The following NOS1AP variants were observed in gnomAD, a reference collection of about 807,000 sequenced individuals.
NOS1AP encodes the protein nitric oxide synthase 1 adaptor protein.
Under a neutral mutation model 56.2 loss-of-function variants are expected in NOS1AP, and 21 were observed. That is an observed-to-expected ratio of 0.37 (90% CI 0.26 to 0.54). The LOEUF is 0.54. Ranked by LOEUF, NOS1AP falls within the 20% of genes least tolerant of loss-of-function variation. The probability of loss-of-function intolerance (pLI) is 0.84; values close to 1 mark genes in which losing one functional copy is unlikely to be tolerated. For missense variants in NOS1AP, 522 were observed against 657.8 expected (o/e 0.79, Z 2.26); for synonymous variants, 270 against 274.6 (o/e 0.98, Z 0.17).
At chr1:162,183,219 C>T (rs1359065226) in intron 2 of NOS1AP, among the ~76,000 whole-genome samples, 2 of 152,172 alleles carry the variant, frequency 1.3e-5, no homozygotes, top group African/African-American at 4.8e-5. Context: ...TTGTTAATGA[C>T]AGTAATATTT....
At chr1:162,165,190 G>T (rs551846538) in intron 2 of NOS1AP, among the ~76,000 whole-genome samples, 1 of 151,986 alleles carries the variant, frequency 6.6e-6, no homozygotes, top group Non-Finnish European at 1.5e-5. Context: ...GCATGGTGCC[G>T]CATGCCTGTA....
chr1:162,167,802 G>T (rs1650572019), intron 2 of NOS1AP, among the ~76,000 whole-genome samples: 1 of 152,230 alleles, frequency 6.6e-6, no homozygotes, highest in Non-Finnish European at 1.5e-5. Flanking sequence ...ATCCAGGAGA[G>T]CTGGGAAGGG....
chr1:162,364,627 T>C (rs151335493), intron 8 of NOS1AP: 1 of 985,332 alleles, frequency 1.0e-6, no homozygotes, highest in African/African-American at 1.7e-5. Context: ...TGCCACAAAT[T>C]GTTCACCTCA....
At chr1:162,170,950 A>AG (rs1650749569) in intron 2 of NOS1AP, among the ~76,000 whole-genome samples, 1 of 151,792 alleles carries the variant, frequency 6.6e-6, no homozygotes, top group Admixed American at 6.6e-5. Context: ...CAAAAAAAAA[A>AG]AAAGAAAAGA....
chr1:162,254,796 A>C (rs12742393), intron 2 of NOS1AP, among the ~76,000 whole-genome samples: 66,562 of 152,092 alleles, frequency 0.44, 16,475 homozygotes, highest in Non-Finnish European at 0.58. Context: ...GCATTTTACC[A>C]GTACAATCTG....
chr1:162,279,453 C>T (rs1487821233), intron 2 of NOS1AP, among the ~76,000 whole-genome samples: 2 of 152,142 alleles, frequency 1.3e-5, no homozygotes, highest in African/African-American at 4.8e-5. Context: ...GGAAATGCAG[C>T]CTCCTCACAG....
At chr1:162,338,734 T>C (rs1657014058) in intron 5 of NOS1AP, 1 of 152,188 alleles carries the variant, frequency 6.6e-6, no homozygotes, top group Non-Finnish European at 1.5e-5. Flanking sequence ...AATAAAATCA[T>C]GATTGACTAT....
chr1:162,178,050 A>C (rs950966828), intron 2 of NOS1AP, among the ~76,000 whole-genome samples: 2 of 152,214 alleles, frequency 1.3e-5, no homozygotes, highest in Non-Finnish European at 2.9e-5. Flanking sequence ...TTTACTGTCT[A>C]TAATTTTGCC....
intron 1 of NOS1AP, among the ~76,000 whole-genome samples, chr1:162,075,391 G>A (rs773179654): frequency 2.9e-4 from 44 of 152,190 alleles, no homozygotes; most frequent in Non-Finnish European, 5.4e-4. Flanking sequence ...GGCTTCATTG[G>A]TTGATGGTTT....
chr1:162,189,049 T>C (rs114466319), intron 2 of NOS1AP, among the ~76,000 whole-genome samples: 5,359 of 152,258 alleles, frequency 0.035, 135 homozygotes, highest in Non-Finnish European at 0.049. Context: ...AGAGTGAGAC[T>C]TCATCTTGAA....
chr1:162,178,308 A>G (rs1033374323), intron 2 of NOS1AP, among the ~76,000 whole-genome samples: 16 of 152,206 alleles, frequency 1.1e-4, no homozygotes, highest in Admixed American at 9.8e-4. Context: ...TGCCAAGAAC[A>G]TCTGTGAGCA....
chr1:162,308,078 T>C (rs1180333110), intron 4 of NOS1AP, among the ~76,000 whole-genome samples: 1 of 152,172 alleles, frequency 6.6e-6, no homozygotes, highest in Non-Finnish European at 1.5e-5. Flanking sequence ...ACTATTAAAC[T>C]ATAATAAAAG....
At chr1:162,264,158 A>T (rs1214430345) in intron 2 of NOS1AP, among the ~76,000 whole-genome samples, 1 of 151,930 alleles carries the variant, frequency 6.6e-6, no homozygotes, top group African/African-American at 2.4e-5. Context: ...TCCAACCTAA[A>T]CGTGTCCATT....
intron 1 of NOS1AP, among the ~76,000 whole-genome samples, chr1:162,092,148 C>T (rs1033162658): frequency 6.6e-6 from 1 of 152,190 alleles, no homozygotes; most frequent in Non-Finnish European, 1.5e-5. Flanking sequence ...TCTCTCAAAC[C>T]CCAGCTTCCC....
chr1:162,131,337 T>A (rs1224836708), intron 1 of NOS1AP, among the ~76,000 whole-genome samples: 1 of 151,658 alleles, frequency 6.6e-6, no homozygotes, highest in Non-Finnish European at 1.5e-5. Context: ...CCCACATACC[T>A]CAACAGCTAA....
At chr1:162,249,672 G>A (rs1285243428) in intron 2 of NOS1AP, among the ~76,000 whole-genome samples, 1 of 152,126 alleles carries the variant, frequency 6.6e-6, no homozygotes, top group Non-Finnish European at 1.5e-5. Context: ...AACCTACTAT[G>A]TGCTGCATAG....
chr1:162,280,489 C>T (rs953590973), intron 2 of NOS1AP, among the ~76,000 whole-genome samples: 6 of 152,200 alleles, frequency 3.9e-5, no homozygotes, highest in Non-Finnish European at 8.8e-5. Flanking sequence ...TTACCATGTG[C>T]ATTTTAAAAA....
chr1:162,149,114 G>A (rs553056454), intron 1 of NOS1AP, among the ~76,000 whole-genome samples: 1 of 152,336 alleles, frequency 6.6e-6, no homozygotes, highest in African/African-American at 2.4e-5. Context: ...GGCCAACCCA[G>A]CTCCATTGCC....
chr1:162,191,593 A>G (rs774045763), intron 2 of NOS1AP, among the ~76,000 whole-genome samples: 1 of 152,148 alleles, frequency 6.6e-6, no homozygotes, highest in Non-Finnish European at 1.5e-5. Context: ...TTGGGCTGGC[A>G]GAAGAAGATA....
Sources: gnomAD v4.1 joint callset for allele counts (sites outside exome capture counted in the v4.1 genomes callset) on GRCh38, gnomAD v4.1.1 for gene constraint, MANE v1.5 for transcripts, NCBI Gene and HGNC (gene_info 2026-07-23, HGNC 2026-07-21) for gene names.